CIT: variants seen among roughly 807,000 people sequenced by gnomAD.
CIT encodes citron rho-interacting serine/threonine kinase.
CIT carries 79 observed loss-of-function variants against 272.7 expected under a neutral mutation model. That is an observed-to-expected ratio of 0.29 (90% confidence interval 0.24 to 0.35). CIT has a LOEUF of 0.35. Among genes scored for constraint, CIT ranks in the 10% least tolerant of loss-of-function variants. CIT has a pLI of 1.00. For synonymous variants in CIT, 948 were observed against 995.6 expected (o/e 0.95, Z 0.90); for missense variants, 1,909 against 2,618.3 (o/e 0.73, Z 5.91).
intron 9 of CIT, among the ~76,000 whole-genome samples, chr12:119,814,487 C>T (rs116863533): frequency 3.9e-4 from 60 of 152,290 alleles, no homozygotes; most frequent in Non-Finnish European, 7.5e-4. Context: ...CATCCCATCC[C>T]TCTTGCTCCC....
chr12:119,827,281 T>C (rs1049287724), intron 7 of CIT, among the ~76,000 whole-genome samples: 3 of 152,094 alleles, frequency 2.0e-5, no homozygotes, highest in Admixed American at 2.0e-4. Flanking sequence ...TGACTTAAGC[T>C]TGAAGAACTG....
chr12:119,782,672 G>T, intron 12 of CIT, 35 bp from the exon 13 acceptor site: 1 of 1,610,938 alleles, frequency 6.2e-7, no homozygotes, highest in Non-Finnish European at 8.5e-7. Context: ...GGGATGCCCT[G>T]TGGATCCTGC....
rs1180690582 is a variant in CIT at position 119,712,503 on chromosome 12, C to T, written c.4684+88G>A. ...GGAAGATGGGCCTCCTTTGCAGAGCCAATCTTCCCTGTACCACCCCTTCTG... is the reference window on the plus strand; with the variant it reads ...GGAAGATGGGCCTCCTTTGCAGAGCTAATCTTCCCTGTACCACCCCTTCTG... On this transcript the variant is annotated intron_variant, in intron 36 of 47. Transcript: ENST00000392521. The surrounding 1 kb of genome is among the most constrained non-coding windows in gnomAD (Gnocchi z 5.2). The T allele has an allele frequency of 7.0e-7, 1 of 1,419,078 alleles. No homozygotes were observed. The highest frequency in any genetic ancestry group is 9.8e-7 in the Non-Finnish European group (1 of 1,017,436). The allele number at this position is 1,419,078 out of a possible 1,614,324, so 87.9% of individuals were successfully genotyped here.
At chr12:119,844,066 G>A (rs1969613532) in intron 5 of CIT, among the ~76,000 whole-genome samples, 1 of 146,968 alleles carries the variant, frequency 6.8e-6, no homozygotes, top group Non-Finnish European at 1.5e-5. Context: ...TTGTCGCCCA[G>A]GCTGGAGTGC....
In CIT at chr12:119,726,011, C is replaced by CGTGTGTGTGTGTGTGTGTGT. The variant is rs3999591; in HGVS notation, c.3591+2471_3591+2490dup. 7.0e-3 allele frequency among the ~76,000 whole-genome samples: 1,043 copies of CGTGTGTGTGTGTGTGTGTGT among 150,000 alleles called. 24 individuals are homozygous for CGTGTGTGTGTGTGTGTGTGT. The highest frequency in any genetic ancestry group is 0.025 in the African/African-American group (1,003 of 40,620). ...TTCCTATGTGTGTTCACCAAATATA[C>CGTGTGTGTGTGTGTGTGTGT]GTGTGTGTGTGTGTGTGTGTGTGTT... On this transcript the variant is annotated intron_variant, in intron 28 of 47. Coordinates refer to ENST00000392521, the MANE Select transcript of CIT (RefSeq NM_001206999.2).
At chr12:119,826,939 C>G (rs1968217310) in intron 7 of CIT, among the ~76,000 whole-genome samples, 1 of 152,126 alleles carries the variant, frequency 6.6e-6, no homozygotes, top group Non-Finnish European at 1.5e-5. Context: ...TGAAGCTCTT[C>G]CAGCCTGTAA....
Position 119,784,240 on chromosome 12 carries a change from A to G in CIT, c.1402-189T>C, listed in dbSNP as rs775221996. ...AGTTCTTCGTTAAGGACAGTCACCA[A>G]ATGCTAAGTCACTCCTCTCATTCAA... is the stretch of plus-strand genomic sequence containing the variant. On this transcript the variant is annotated intron_variant, in intron 11 of 47. Transcript: ENST00000392521. The surrounding 1 kb of genome is among the most constrained non-coding windows in gnomAD (Gnocchi z 4.7). The G allele has an allele frequency of 6.3e-7, 1 of 1,593,248 alleles. No homozygotes were observed. The highest frequency in any genetic ancestry group is 8.6e-7 in the Non-Finnish European group (1 of 1,167,520).
intron 19 of CIT, among the ~76,000 whole-genome samples, chr12:119,761,954 A>G (rs278141): frequency 0.85 from 128,633 of 152,218 alleles, 54,836 homozygotes; most frequent in African/African-American, 0.93. Context: ...GAACATGCCC[A>G]AGCCTTTGAC....
chr12:119,775,776 T>C lies in CIT; in HGVS notation c.1941+10A>G, dbSNP rs376913708. On this transcript the variant is annotated intron_variant, in intron 16 of 47. Transcript: ENST00000392521. ...GGGGGTAAGTTCCTGAAAAATCACC[T>C]TGGGCTTACCTTCTCCAGTTTCTCT... 1.4e-5 allele frequency: 22 copies of C among 1,611,820 alleles called. No homozygotes were observed. The highest frequency in any genetic ancestry group is 6.6e-5 in the South Asian group (6 of 91,000).
rs1170481676 is a variant in CIT, at chr12:119,718,765, G to A, written c.3937C>T (p.Arg1313Cys). The change falls in exon 31 of 48, where the codon CGC (arginine) becomes TGC (cysteine). Residue 1313 changes from arginine to cysteine, a missense_variant. Coordinates refer to ENST00000392521, the MANE Select transcript of CIT (RefSeq NM_001206999.2). The surrounding 1 kb of genome is among the most constrained non-coding windows in gnomAD (Gnocchi z 4.8). ...AGGGCTTCCTCTAGCTCTGCACAGC[G>A]AGCTTTCTCCTTCTCCAGGGCCAGC... ...LKLALEKEKARCAELEEALQK... is the reference protein window; with the variant it reads ...LKLALEKEKACCAELEEALQK... 1 of 1,613,988 alleles carries A rather than the reference G, an allele frequency of 6.2e-7. No individual in the cohort carries two copies. The highest frequency in any genetic ancestry group is 8.5e-7 in the Non-Finnish European group (1 of 1,180,026).
At chr12:119,757,710 C>A (rs1303227530) in intron 21 of CIT, among the ~76,000 whole-genome samples, 165 bp from the exon 22 acceptor site, 3 of 152,206 alleles carry the variant, frequency 2.0e-5, no homozygotes, top group Non-Finnish European at 2.9e-5. Context: ...TAAGCATGAT[C>A]CCGGCATGAC....
At chr12:119,855,859 CAT>C (rs1275728730) in intron 4 of CIT, among the ~76,000 whole-genome samples, 1 of 152,130 alleles carries the variant, frequency 6.6e-6, no homozygotes, top group Non-Finnish European at 1.5e-5. Context: ...CCATCAAAAA[CAT>C]AAGCATCACA....
At chr12:119,865,973 A>AT (rs112437124) in intron 3 of CIT, among the ~76,000 whole-genome samples, 1 of 151,574 alleles carries the variant, frequency 6.6e-6, no homozygotes, top group African/African-American at 2.4e-5. Context: ...ACATATGCTG[A>AT]TTTTTTTTCT....
chr12:119,815,237 TAAA>T (rs60997159), intron 9 of CIT, among the ~76,000 whole-genome samples: 2 of 135,560 alleles, frequency 1.5e-5, no homozygotes, highest in Non-Finnish European at 3.2e-5. Context: ...TGGCCTTGTT[TAAA>T]AAAAAAAAAA....
Position 119,710,034 on chromosome 12 carries a change from T to G in CIT, c.5071+217A>C, listed in dbSNP as rs1016041928. Among the ~76,000 whole-genome samples, 4 of 152,068 alleles carry G rather than the reference T, an allele frequency of 2.6e-5. No individual in the cohort carries two copies. Among genetic ancestry groups the G allele is most frequent in the African/African-American group, 4.8e-5 (2 of 41,408 alleles). ...ACTTGGCCTAACAGTGGGATGTTCTTTGGGAATGTCAGACTGTGCTAAACT... is the reference window on the plus strand; with the variant it reads ...ACTTGGCCTAACAGTGGGATGTTCTGTGGGAATGTCAGACTGTGCTAAACT... On this transcript the variant is annotated intron_variant, in intron 39 of 47. Transcript: ENST00000392521. The surrounding 1 kb of genome is among the most constrained non-coding windows in gnomAD (Gnocchi z 5.6).
At chr12:119,755,774 C>T (rs1369448957) in intron 22 of CIT, among the ~76,000 whole-genome samples, 3 of 152,220 alleles carry the variant, frequency 2.0e-5, no homozygotes, top group Non-Finnish European at 4.4e-5. Flanking sequence ...AACATGTCTA[C>T]AACCCAATTT....
intron 44 of CIT, among the ~76,000 whole-genome samples, chr12:119,698,806 T>A (rs1292400243): frequency 6.6e-6 from 1 of 152,210 alleles, no homozygotes; most frequent in Non-Finnish European, 1.5e-5. Context: ...AGTATTTGCA[T>A]AAAGTACTGG....
rs145867805 is a variant in CIT, at chr12:119,872,973, T to G, written c.96+3100A>C. ...CGCCATGCCTGACTAATTATTTATA[T>G]TTTTTGTAGAGATGGGGTTTCACCA... On this transcript the variant is annotated intron_variant, in intron 2 of 47. Coordinates refer to ENST00000392521, the MANE Select transcript of CIT (RefSeq NM_001206999.2). Among the ~76,000 whole-genome samples the G allele has an allele frequency of 1.8e-3, 277 of 152,166 alleles. 2 individuals carry two copies. Among genetic ancestry groups the G allele is most frequent in the African/African-American group, 6.4e-3 (265 of 41,516 alleles).
chr12:119,777,760 A>G (rs544984121), intron 13 of CIT, among the ~76,000 whole-genome samples: 85 of 152,256 alleles, frequency 5.6e-4, no homozygotes, highest in African/African-American at 2.0e-3. Context: ...AAATCACACC[A>G]TACGAAATGC....
Sources: allele counts gnomAD v4.1 joint callset (sites outside exome capture counted in the v4.1 genomes callset), GRCh38; gene constraint gnomAD v4.1.1; non-coding constraint Gnocchi (gnomAD v3.1); transcripts MANE v1.5; gene names NCBI Gene and HGNC (gene_info 2026-07-23, HGNC 2026-07-21).